Variants in UPF1 observed in about 807,000 individuals in gnomAD.
The protein encoded by UPF1 is UPF1 RNA helicase and ATPase.
Under a neutral mutation model 129.2 loss-of-function variants are expected in UPF1, and 9 were observed. The observed-to-expected ratio is 0.07, with a 90% confidence interval of 0.04 to 0.12. The LOEUF (loss-of-function observed/expected upper bound fraction) is 0.12. Among genes scored for constraint, UPF1 ranks in the 10% least tolerant of loss-of-function variants. UPF1 has a pLI of 1.00. For synonymous variants in UPF1, 649 were observed against 644.9 expected (o/e 1.01, Z -0.10); for missense variants, 788 against 1,525.3 (o/e 0.52, Z 8.05).
At chr19:18,856,147 C>CAG in intron 12 of UPF1, 39 bp from the exon 13 acceptor site, 1 of 1,607,010 alleles carries the variant, frequency 6.2e-7, no homozygotes, top group South Asian at 1.1e-5. Context: ...GTGACATGTA[C>CAG]AGAACTCAGG....
chr19:18,862,822 A>G (rs2055795356), intron 18 of UPF1: 2 of 150,978 alleles, frequency 1.3e-5, no homozygotes. Context: ...CAACAAGAGC[A>G]AAACTCTGTC....
chr19:18,862,339 C>G (rs2055789351), intron 18 of UPF1, among the ~76,000 whole-genome samples, 187 bp downstream of exon 18: 1 of 152,136 alleles, frequency 6.6e-6, no homozygotes, highest in South Asian at 2.1e-4. Context: ...GCCCCTGTGC[C>G]TCAGCCCAGC....
At chr19:18,839,932 A>G (rs1351706966) in intron 1 of UPF1, among the ~76,000 whole-genome samples, 1 of 152,174 alleles carries the variant, frequency 6.6e-6, no homozygotes, top group Non-Finnish European at 1.5e-5. Context: ...GGAGTTGTTC[A>G]GAAGCTGTAC....
intron 1 of UPF1, among the ~76,000 whole-genome samples, chr19:18,836,612 AT>A (rs1433522391): frequency 6.6e-6 from 1 of 152,076 alleles, no homozygotes; most frequent in East Asian, 1.9e-4. Flanking sequence ...GATTGTAGTG[AT>A]AGTTTTATGG....
intron 17 of UPF1, 50 bp from the exon 18 acceptor site, chr19:18,861,960 A>G: frequency 6.2e-7 from 1 of 1,602,132 alleles, no homozygotes; most frequent in East Asian, 2.2e-5. Context: ...TTTTGGGGGG[A>G]CTGGGAAGGC....
chr19:18,865,357 G>A lies in UPF1; in HGVS notation c.2926G>A (p.Val976Met), dbSNP rs1010786745. The A allele has an allele frequency of 1.1e-5, 17 of 1,613,920 alleles. No individual in the cohort carries two copies. Among genetic ancestry groups the A allele is most frequent in the African/African-American group, 1.3e-5 (1 of 74,940 alleles). The stretch of plus-strand genomic sequence containing the variant: ...CATGATCAGTGCCGGCCCTAGCCAC[G>A]TGGCTGCCATGAACATTCCCATCCC... ...IGMISAGPSH[V>M]AAMNIPIPFN... Residue 976 changes from valine to methionine, a missense_variant, in exon 21 of 24, where the codon GTG (valine) becomes ATG (methionine). Around this residue, in one of 6 missense-constraint regions of UPF1, gnomAD observed 218 missense variants for 318.1 expected, o/e 0.69. Transcript: ENST00000262803. The surrounding 1 kb of genome is among the most constrained non-coding windows in gnomAD (Gnocchi z 6.1).
rs2055832530 is a variant in UPF1, at chr19:18,865,488, G to A, written c.3019+38G>A. The A allele has an allele frequency of 1.9e-6, 3 of 1,611,398 alleles. No individual in the cohort carries two copies. In the South Asian group the frequency reaches 3.3e-5, roughly 18 times the overall value. The stretch of plus-strand genomic sequence containing the variant: ...GGCTGCGGCTGGGTGTGGCCCTCCT[G>A]AGAGCTCTTGAGGGTGTGCTTGTCT... On this transcript the variant is annotated intron_variant, in intron 21 of 23. Transcript: ENST00000262803. This position sits in a 1 kb window ranked among gnomAD's most constrained non-coding sequence, Gnocchi z 6.1.
At chr19:18,861,024 C>G (rs780785114) in intron 17 of UPF1, 42 bp downstream of exon 17, 1 of 1,537,826 alleles carries the variant, frequency 6.5e-7, no homozygotes, top group Admixed American at 1.9e-5. Flanking sequence ...CTGGGCCATG[C>G]AAGGGTATTG....
At position 18,863,609 on chromosome 19, in the gene UPF1, C is replaced by T. The variant is rs756193921; in HGVS notation, c.2772C>T (p.Asn924=). Residue 924 remains asparagine (N), a synonymous_variant, in exon 19 of 24, where the codon AAC becomes AAT. Transcript: ENST00000262803. ...SKPRKLVNTI[N]PGARFMTTAM... ...CACGGAAGCTGGTCAACACTATCAA[C>T]CCGGTGAGCGCCTGCACAGGACAGC... is the stretch of plus-strand genomic sequence containing the variant. 1 of 1,612,904 alleles carries T rather than the reference C, an allele frequency of 6.2e-7. No homozygotes were observed. The highest frequency in any genetic ancestry group is 2.2e-5 in the East Asian group (1 of 44,866).
At chr19:18,839,095 C>A (rs2055513697) in intron 1 of UPF1, among the ~76,000 whole-genome samples, 1 of 151,878 alleles carries the variant, frequency 6.6e-6, no homozygotes, top group Admixed American at 6.6e-5. Context: ...CCAGGGAACC[C>A]CCTTCTTTTC....
intron 1 of UPF1, among the ~76,000 whole-genome samples, chr19:18,840,420 C>T (rs535435596): frequency 2.0e-5 from 3 of 152,318 alleles, no homozygotes; most frequent in Admixed American, 2.0e-4. Flanking sequence ...AGGCACCGTC[C>T]TGAGGGCCTT....
chr19:18,851,060 C>G lies in UPF1; in HGVS notation c.810+192C>G. ...TCACCTTCCATCCAGGCAGCCTTAC[C>G]TGACCGAGAAGATCCTGGCCTTGGG... is the stretch of plus-strand genomic sequence containing the variant. On this transcript the variant is annotated intron_variant, in intron 5 of 23. Coordinates refer to ENST00000262803, the MANE Select transcript of UPF1 (RefSeq NM_002911.4). The surrounding 1 kb of genome is among the most constrained non-coding windows in gnomAD (Gnocchi z 4.2). 3.4e-6 allele frequency: 2 copies of G among 585,578 alleles called. No homozygotes were observed. Among genetic ancestry groups the G allele is most frequent in the Non-Finnish European group, 5.4e-6 (2 of 367,126 alleles). 36.3% of individuals were successfully genotyped at this position (585,578 alleles called of 1,614,324 possible).
chr19:18,844,748 C>T (rs954440207), intron 1 of UPF1, among the ~76,000 whole-genome samples: 7 of 152,246 alleles, frequency 4.6e-5, no homozygotes, highest in Non-Finnish European at 8.8e-5. Context: ...CCCATCATGT[C>T]CCCTGGCGTG....
At chr19:18,866,230 C>T (rs908602313) in intron 23 of UPF1, 64 bp downstream of exon 23, 19 of 1,492,266 alleles carry the variant, frequency 1.3e-5, no homozygotes, top group Admixed American at 2.5e-5. Context: ...GGAGGGGGCT[C>T]TCCCCAGGGA....
chr19:18,845,789 G>T (rs2055590428), intron 1 of UPF1, among the ~76,000 whole-genome samples, 191 bp from the exon 2 acceptor site: 1 of 152,154 alleles, frequency 6.6e-6, no homozygotes, highest in Non-Finnish European at 1.5e-5. Flanking sequence ...GGGGGGTGTA[G>T]AAGGCCACCA....
At position 18,849,999 on chromosome 19, in the gene UPF1, T is replaced by C. The variant is rs543997927; in HGVS notation, c.462-76T>C. 62 of 1,586,982 alleles carry C rather than the reference T, an allele frequency of 3.9e-5. No homozygotes were observed. The African/African-American group carries it at 7.6e-4, about 20-fold the overall frequency. On this transcript the variant is annotated intron_variant, in intron 3 of 23. Transcript: ENST00000262803. ...GGACCGTGAACGGTACCGGAACTTT[T>C]AACAGGGGCCCGAAAATTGGAAGTG...
chr19:18,843,334 T>G (rs1215196745), intron 1 of UPF1, among the ~76,000 whole-genome samples: 1 of 152,164 alleles, frequency 6.6e-6, no homozygotes, highest in Non-Finnish European at 1.5e-5. Context: ...AGGCACCCTG[T>G]GGACCTCACC....
intron 2 of UPF1, 65 bp from the exon 3 acceptor site, chr19:18,847,679 A>G: frequency 1.3e-6 from 2 of 1,498,074 alleles, no homozygotes; most frequent in Non-Finnish European, 1.9e-6. Flanking sequence ...AGAATTTCAC[A>G]TCTTGCCAAA....
At chr19:18,864,515 A>G (rs2055817653) in intron 20 of UPF1, among the ~76,000 whole-genome samples, 1 of 152,260 alleles carries the variant, frequency 6.6e-6, no homozygotes, top group Non-Finnish European at 1.5e-5. Context: ...CAGGGACTGC[A>G]TGTAGTACAA....
Sources: gnomAD v4.1 joint callset for allele counts (sites outside exome capture counted in the v4.1 genomes callset) on GRCh38, gnomAD v4.1.1 for gene constraint, gnomAD v4.1.1 regional missense constraint, Gnocchi (gnomAD v3.1) non-coding constraint, MANE v1.5 for transcripts, NCBI Gene and HGNC (gene_info 2026-07-23, HGNC 2026-07-21) for gene names.